ELMO1: variants seen among roughly 807,000 people sequenced by gnomAD.
The protein encoded by ELMO1 is engulfment and cell motility protein 1.
Under a neutral mutation model 98.9 loss-of-function variants are expected in ELMO1, and 26 were observed. The observed-to-expected ratio is 0.26, with a 90% CI of 0.19 to 0.36. The LOEUF is 0.36. ELMO1 is among the 10% of genes least tolerant of loss of function. The pLI is 1.00. For synonymous variants in ELMO1, 346 were observed against 346.0 expected (o/e 1.00, Z 0.00); for missense variants, 627 against 935.2 (o/e 0.67, Z 4.30).
intron 4 of ELMO1, among the ~76,000 whole-genome samples, chr7:37,296,163 G>A (rs886615106): frequency 6.6e-6 from 1 of 152,176 alleles, no homozygotes; most frequent in Non-Finnish European, 1.5e-5. Flanking sequence ...TGAAATCAAG[G>A]TGTCAGTCAG....
chr7:36,856,805 G>C (rs1013074663), intron 21 of ELMO1, among the ~76,000 whole-genome samples: 1 of 152,162 alleles, frequency 6.6e-6, no homozygotes, highest in Non-Finnish European at 1.5e-5. Flanking sequence ...GTCCTATATA[G>C]GATTCTATAA....
chr7:36,979,164 T>C (rs1790836213), intron 16 of ELMO1, among the ~76,000 whole-genome samples: 1 of 152,138 alleles, frequency 6.6e-6, no homozygotes, highest in Non-Finnish European at 1.5e-5. Context: ...GAGAATAATC[T>C]GAAAGTAGAG....
chr7:37,009,267 C>G (rs754556952), intron 16 of ELMO1, among the ~76,000 whole-genome samples: 33 of 152,098 alleles, frequency 2.2e-4, no homozygotes, highest in Non-Finnish European at 4.4e-4. Flanking sequence ...AATGCATGCT[C>G]TAAAATATTG....
chr7:37,343,775 C>T (rs532325807), intron 1 of ELMO1, among the ~76,000 whole-genome samples: 115 of 151,964 alleles, frequency 7.6e-4, no homozygotes, highest in African/African-American at 2.7e-3. Flanking sequence ...TGGCCCAGCC[C>T]CATTTCTTTT....
At chr7:37,285,057 C>T (rs1797322274) in intron 4 of ELMO1, among the ~76,000 whole-genome samples, 1 of 152,216 alleles carries the variant, frequency 6.6e-6, no homozygotes. Context: ...AAGCTTCTGG[C>T]AACAGAGACA....
chr7:37,421,822 G>C (rs1016686703), intron 1 of ELMO1, among the ~76,000 whole-genome samples: 1 of 152,158 alleles, frequency 6.6e-6, no homozygotes, highest in African/African-American at 2.4e-5. Context: ...TGGCCAAAAG[G>C]GTTAACCATT....
chr7:37,245,170 G>T (rs1397515743), intron 6 of ELMO1, among the ~76,000 whole-genome samples: 2 of 152,056 alleles, frequency 1.3e-5, no homozygotes, highest in Non-Finnish European at 2.9e-5. Context: ...CTCATTCTGG[G>T]GTCCTCTAGG....
chr7:37,389,314 C>T (rs760637608), intron 1 of ELMO1, among the ~76,000 whole-genome samples: 7 of 152,146 alleles, frequency 4.6e-5, no homozygotes, highest in African/African-American at 9.7e-5. Flanking sequence ...ATAAAACCAG[C>T]CCACATTAAG....
chr7:37,157,386 G>C (rs1247311568), intron 13 of ELMO1, among the ~76,000 whole-genome samples: 1 of 152,166 alleles, frequency 6.6e-6, no homozygotes, highest in East Asian at 1.9e-4. Flanking sequence ...GTCTCTGCTT[G>C]CAGATGACAT....
intron 8 of ELMO1, among the ~76,000 whole-genome samples, chr7:37,231,426 T>C (rs1172832962): frequency 1.3e-5 from 2 of 152,068 alleles, no homozygotes; most frequent in African/African-American, 4.8e-5. Context: ...CAGAGGACAG[T>C]GACATCATAT....
Position 37,218,723 on chromosome 7 carries a change from G to GA in ELMO1, c.781-2029dup, listed in dbSNP as rs538416156. ...TGCATGTAGTATGCTCACATTTGGT[G>GA]AAAAAAAATGATGTATTAGGAGAAT... On this transcript the variant is annotated intron_variant, in intron 10 of 21. Transcript: ENST00000310758. Among the ~76,000 whole-genome samples, 746 of 152,006 alleles carry GA rather than the reference G, an allele frequency of 4.9e-3. 6 individuals are homozygous for GA. The highest frequency in any genetic ancestry group is 6.3e-3 in the African/African-American group (261 of 41,482).
In ELMO1 at chr7:36,861,867, T is replaced by C. The variant is rs186158708; in HGVS notation, c.1906-131A>G. On this transcript the variant is annotated intron_variant, in intron 20 of 21. Transcript: ENST00000310758. ...CCAAGCGGAGCTGCAATGAGGCTGA[T>C]GGAAGGAGGAACCATGCTCTTCAAG... 21 of 798,820 alleles carry C rather than the reference T, an allele frequency of 2.6e-5. No individual in the cohort carries two copies. In the African/African-American group the frequency reaches 2.7e-4, roughly 10 times the overall value. The allele number at this position is 798,820 out of a possible 1,614,324, so 49.5% of individuals were successfully genotyped here.
chr7:37,157,836 T>C (rs61320562), intron 13 of ELMO1, among the ~76,000 whole-genome samples: 72,235 of 151,110 alleles, frequency 0.48, 18,276 homozygotes, highest in East Asian at 0.69. Context: ...AAAAAGAGCC[T>C]GCATGGCCAA....
chr7:37,396,255 A>G (rs553254776), intron 1 of ELMO1, among the ~76,000 whole-genome samples: 1 of 152,292 alleles, frequency 6.6e-6, no homozygotes, highest in East Asian at 1.9e-4. Context: ...TATGAAGATT[A>G]AATTGCATAA....
At chr7:37,132,399 T>C (rs1358767608) in intron 14 of ELMO1, among the ~76,000 whole-genome samples, 1 of 152,238 alleles carries the variant, frequency 6.6e-6, no homozygotes. Context: ...ATCTCAATCT[T>C]GGATCTACCT....
chr7:37,291,998 GC>G (rs1428446179), intron 4 of ELMO1, among the ~76,000 whole-genome samples: 2 of 118,738 alleles, frequency 1.7e-5, no homozygotes, highest in African/African-American at 5.9e-5. Flanking sequence ...CTGATGCCGA[GC>G]CGAAGCTGGA....
intron 15 of ELMO1, among the ~76,000 whole-genome samples, chr7:37,063,710 C>G (rs1293177253): frequency 6.6e-6 from 1 of 152,140 alleles, no homozygotes; most frequent in Non-Finnish European, 1.5e-5. Context: ...ACTCGATTCC[C>G]CTCCGCTATC....
At chr7:37,254,852 A>C (rs1042878473) in intron 6 of ELMO1, among the ~76,000 whole-genome samples, 2 of 152,184 alleles carry the variant, frequency 1.3e-5, no homozygotes, top group Non-Finnish European at 2.9e-5. Flanking sequence ...AAGTACATTC[A>C]ATATTGACAT....
At chr7:36,979,813 A>G (rs150337868) in intron 16 of ELMO1, among the ~76,000 whole-genome samples, 1 of 152,298 alleles carries the variant, frequency 6.6e-6, no homozygotes, top group Non-Finnish European at 1.5e-5. Flanking sequence ...CTCTAGTTAG[A>G]ACTGAGTTGC....
Sources: gnomAD v4.1 joint callset for allele counts (sites outside exome capture counted in the v4.1 genomes callset) on GRCh38, gnomAD v4.1.1 for gene constraint, MANE v1.5 for transcripts, NCBI Gene and HGNC (gene_info 2026-07-23, HGNC 2026-07-21) for gene names.